The following MON2 variants were observed in gnomAD, a reference collection of about 807,000 sequenced individuals.
MON2 encodes protein MON2 homolog.
In MON2, 84 loss-of-function variants were observed where a neutral mutation model predicts 208.6. The ratio of observed to expected loss-of-function variants is 0.40; its 90% CI spans 0.34 to 0.48. The LOEUF (loss-of-function observed/expected upper bound fraction) is 0.48. MON2 is among the 20% of genes least tolerant of loss of function. The pLI is 0.59. For synonymous variants in MON2, 660 were observed against 694.0 expected (o/e 0.95, Z 0.77); for missense variants, 1,611 against 2,015.4 (o/e 0.80, Z 3.84).
At chr12:62,477,452 G>A (rs1393560248) in intron 1 of MON2, among the ~76,000 whole-genome samples, 2 of 151,980 alleles carry the variant, frequency 1.3e-5, no homozygotes, top group African/African-American at 2.4e-5. Context: ...TTGAGACAGG[G>A]TCTTTCTCTG....
chr12:62,580,657 T>C (rs1351659858), intron 32 of MON2, among the ~76,000 whole-genome samples: 1 of 152,206 alleles, frequency 6.6e-6, no homozygotes, highest in Non-Finnish European at 1.5e-5. Flanking sequence ...TCTGATCATA[T>C]ATCAGAAACA....
At chr12:62,567,117 T>A (rs2074413641) in intron 29 of MON2, among the ~76,000 whole-genome samples, 1 of 152,200 alleles carries the variant, frequency 6.6e-6, no homozygotes, top group Non-Finnish European at 1.5e-5. Context: ...TAAGGCTTAT[T>A]TCTTGTTTTT....
chr12:62,576,540 T>G (rs917526380), intron 30 of MON2, among the ~76,000 whole-genome samples: 5 of 152,198 alleles, frequency 3.3e-5, no homozygotes, highest in African/African-American at 1.2e-4. Flanking sequence ...TAACACTTTA[T>G]AAGTTTGAAG....
At chr12:62,477,957 A>G (rs966562507) in intron 1 of MON2, among the ~76,000 whole-genome samples, 6 of 152,238 alleles carry the variant, frequency 3.9e-5, no homozygotes, top group African/African-American at 1.4e-4. Flanking sequence ...CTCATGGAAC[A>G]GGGCAGAACC....
chr12:62,484,118 A>G (rs938142711), intron 1 of MON2, 52 bp from the exon 2 acceptor site: 16 of 1,285,858 alleles, frequency 1.2e-5, no homozygotes, highest in Admixed American at 1.9e-5. Context: ...TTTTCCATAG[A>G]TAATTCATTT....
chr12:62,506,674 C>T (rs932397975), intron 7 of MON2, among the ~76,000 whole-genome samples: 7 of 150,388 alleles, frequency 4.7e-5, no homozygotes, highest in African/African-American at 1.7e-4. Context: ...TGCAGTGAGC[C>T]GAGATTGTAC....
intron 7 of MON2, among the ~76,000 whole-genome samples, chr12:62,507,916 G>A (rs1292982199): frequency 6.6e-6 from 1 of 151,956 alleles, no homozygotes; most frequent in Non-Finnish European, 1.5e-5. Flanking sequence ...CTACTGGTGC[G>A]TGCCACCATA....
rs551088556 is a variant in MON2, at chr12:62,489,852, C to G, written c.176-4063C>G. Among the ~76,000 whole-genome samples, 160 of 152,156 alleles carry G rather than the reference C, an allele frequency of 1.1e-3. 1 individual carries two copies. The Middle Eastern group carries it at 0.014, about 13-fold the overall frequency. On this transcript the variant is annotated intron_variant, in intron 2 of 34. Transcript: ENST00000393630. ...TACCTTTTAATGTTGTTAGGAATGT[C>G]AGTCTTCCCCAGAACTAGATTTTAA...
Position 62,557,997 on chromosome 12 carries a change from G to C in MON2, c.3409+1805G>C, listed in dbSNP as rs568786765. Among the ~76,000 whole-genome samples, 204 of 60,982 alleles carry C rather than the reference G, an allele frequency of 3.3e-3. 2 individuals carry two copies. Among genetic ancestry groups the C allele is most frequent in the African/African-American group, 0.015 (197 of 12,736 alleles). The allele number at this position is 60,982 out of a possible 152,430, so 40.0% of individuals were successfully genotyped here. ...TTTTTTTTTTTTTTTTTTTTGAGATGGAGTCTCGTTCTTGTTGCCCAGGCT... is the reference window on the plus strand; with the variant it reads ...TTTTTTTTTTTTTTTTTTTTGAGATCGAGTCTCGTTCTTGTTGCCCAGGCT... On this transcript the variant is annotated intron_variant, in intron 25 of 34. Coordinates refer to ENST00000393630, the MANE Select transcript of MON2 (RefSeq NM_015026.3).
chr12:62,554,076 C>T (rs2073863138), intron 24 of MON2, among the ~76,000 whole-genome samples: 1 of 152,178 alleles, frequency 6.6e-6, no homozygotes, highest in African/African-American at 2.4e-5. Context: ...CCCATAGTTC[C>T]TCCTCAGATC....
chr12:62,524,377 C>T (rs1264740979), intron 8 of MON2, 138 bp from the exon 9 acceptor site: 6 of 612,970 alleles, frequency 9.8e-6, no homozygotes, highest in African/African-American at 3.7e-5. Flanking sequence ...TCTGTTTCTC[C>T]ACTCCCCATT....
At chr12:62,537,451 A>G in intron 15 of MON2, 151 bp from the exon 16 acceptor site, 1 of 686,944 alleles carries the variant, frequency 1.5e-6, no homozygotes, top group Non-Finnish European at 2.4e-6. Context: ...ACAACTTTTA[A>G]TCAAATGAAT....
chr12:62,530,881 T>G (rs2072604970), intron 11 of MON2, among the ~76,000 whole-genome samples: 1 of 152,226 alleles, frequency 6.6e-6, no homozygotes, highest in African/African-American at 2.4e-5. Flanking sequence ...TTCAGATATC[T>G]CCACATCCTC....
rs766055883 is a variant in MON2, at chr12:62,566,365, C to G, written c.4238C>G (p.Ser1413Cys). The G allele has an allele frequency of 4.3e-6, 7 of 1,613,474 alleles. No homozygotes were observed. The highest frequency in any genetic ancestry group is 5.9e-6 in the Non-Finnish European group (7 of 1,179,690). ...AATTATGTGCCGTTTGCTGAAAGGT[C>G]TTTAGAAGTAGTTGTGGATTTATAC... ...ALNYVPFAER[S>C]LEVVVDLYQK... is the part of the protein sequence containing the mutation. Residue 1413 changes from serine to cysteine, a missense_variant, in exon 29 of 35, where the codon TCT becomes TGT. Physicochemically the swap from Ser to Cys is moderately radical, Grantham distance 112. Transcript: ENST00000393630.
At chr12:62,508,118 A>G (rs1399233043) in intron 7 of MON2, among the ~76,000 whole-genome samples, 168 bp from the exon 8 acceptor site, 2 of 152,206 alleles carry the variant, frequency 1.3e-5, no homozygotes, top group Non-Finnish European at 2.9e-5. Flanking sequence ...TACGAATTTC[A>G]AAATTGTGCG....
intron 19 of MON2, among the ~76,000 whole-genome samples, chr12:62,542,148 G>T (rs1167672598): frequency 1.3e-5 from 2 of 152,204 alleles, no homozygotes; most frequent in East Asian, 3.9e-4. Flanking sequence ...TTTTTAGGGT[G>T]CTTTCCACAT....
At chr12:62,514,173 C>A (rs992293364) in intron 8 of MON2, among the ~76,000 whole-genome samples, 6 of 152,296 alleles carry the variant, frequency 3.9e-5, no homozygotes, top group Middle Eastern at 3.4e-3. Context: ...TCCTTATCAG[C>A]ATTTTGGTCA....
At chr12:62,503,538 G>A (rs1213368362) in intron 7 of MON2, among the ~76,000 whole-genome samples, 2 of 152,120 alleles carry the variant, frequency 1.3e-5, no homozygotes, top group Non-Finnish European at 2.9e-5. Context: ...TTAAAAAGTC[G>A]AATCTTTTTA....
chr12:62,478,010 G>A (rs990457174), intron 1 of MON2, among the ~76,000 whole-genome samples: 3 of 152,166 alleles, frequency 2.0e-5, no homozygotes, highest in Non-Finnish European at 4.4e-5. Flanking sequence ...TGATGACATT[G>A]TAAATCTCTG....
Sources: gnomAD v4.1 joint callset for allele counts (sites outside exome capture counted in the v4.1 genomes callset) on GRCh38, gnomAD v4.1.1 for gene constraint, MANE v1.5 for transcripts, NCBI Gene and HGNC (gene_info 2026-07-23, HGNC 2026-07-21) for gene names.